RPS6KC1: variants seen among roughly 807,000 people sequenced by gnomAD.
The protein encoded by RPS6KC1 is inactive ribosomal protein S6 kinase delta-1.
In RPS6KC1, 54 loss-of-function variants were observed where a neutral mutation model predicts 103.8. The observed-to-expected ratio is 0.52, with a 90% CI of 0.42 to 0.65. RPS6KC1 has a LOEUF of 0.65. Among genes scored for constraint, RPS6KC1 ranks in the 30% least tolerant of loss-of-function variants. The pLI, the probability that RPS6KC1 is intolerant of heterozygous loss-of-function variation, is 0.00. For missense variants in RPS6KC1, 1,151 were observed against 1,253.8 expected (o/e 0.92, Z 1.24); for synonymous variants, 439 against 438.7 (o/e 1.00, Z -0.01).
At chr1:213,233,316 C>A (rs913324304) in intron 10 of RPS6KC1, among the ~76,000 whole-genome samples, 1 of 152,068 alleles carries the variant, frequency 6.6e-6, no homozygotes, top group Non-Finnish European at 1.5e-5. Flanking sequence ...AACTAATTCA[C>A]CTTTGTTCAG....
chr1:213,385,321 T>C, the RPS6KC1 span, among the ~76,000 whole-genome samples: 8 of 152,100 alleles, frequency 5.3e-5, no homozygotes, highest in Admixed American at 6.5e-5. Context: ...GTGCTATTAT[T>C]ATTCCCATTC....
chr1:213,530,173 A>G, the RPS6KC1 span, among the ~76,000 whole-genome samples: 1 of 151,856 alleles, frequency 6.6e-6, no homozygotes, highest in Admixed American at 6.6e-5. Flanking sequence ...TTTATCCTCC[A>G]CTTCTAAGAC....
At chr1:213,311,170 G>A in the RPS6KC1 span, among the ~76,000 whole-genome samples, 9 of 148,174 alleles carry the variant, frequency 6.1e-5, no homozygotes, top group East Asian at 2.0e-4. Context: ...ACGGAGTCTC[G>A]CTCTGTTGCC....
rs79795539 is a variant in RPS6KC1 at position 213,105,216 on chromosome 1, G to GTT, written c.378+663_378+664dup. 8.2e-3 allele frequency among the ~76,000 whole-genome samples: 1,073 copies of GTT among 131,140 alleles called. 17 individuals carry two copies. Among genetic ancestry groups the GTT allele is most frequent in the African/African-American group, 0.023 (860 of 36,916 alleles). 86.0% of individuals were successfully genotyped at this position (131,140 alleles called of 152,430 possible). A position where few individuals can be genotyped will look rare whatever the true frequency, so the allele number is the denominator to read the frequency against. ...TAGATATGTAATGCTTTCATTTTAA[G>GTT]TTTTTTTTTTTTTTTTTACCATTTT... On this transcript the variant is annotated intron_variant, in intron 4 of 14. Coordinates refer to ENST00000366960, the MANE Select transcript of RPS6KC1 (RefSeq NM_012424.6).
the RPS6KC1 span, among the ~76,000 whole-genome samples, chr1:213,647,476 A>G: frequency 3.8e-4 from 58 of 152,322 alleles, 1 homozygote; most frequent in African/African-American, 1.3e-3. Context: ...AGGGACCCTT[A>G]GACAGAAAGT....
intron 7 of RPS6KC1, among the ~76,000 whole-genome samples, chr1:213,168,286 G>T (rs1385092934): frequency 6.6e-6 from 1 of 152,136 alleles, no homozygotes; most frequent in African/African-American, 2.4e-5. Flanking sequence ...GTTAGATTGT[G>T]ATTCTTGTAT....
intron 8 of RPS6KC1, among the ~76,000 whole-genome samples, chr1:213,190,008 G>A (rs1414857133): frequency 6.6e-6 from 1 of 152,146 alleles, no homozygotes; most frequent in Non-Finnish European, 1.5e-5. Flanking sequence ...TGCCTGAATA[G>A]TACTTCATTT....
intron 2 of RPS6KC1, among the ~76,000 whole-genome samples, chr1:213,075,243 C>T (rs4951479): frequency 0.75 from 113,545 of 152,084 alleles, 43,628 homozygotes; most frequent in African/African-American, 0.93. Flanking sequence ...CTTAACCTTA[C>T]GTAATGTCCA....
At chr1:213,673,655 C>G in the RPS6KC1 span, among the ~76,000 whole-genome samples, 1,043 of 132,328 alleles carry the variant, frequency 7.9e-3, 18 homozygotes, top group African/African-American at 0.04. Context: ...CTTTTTAGTA[C>G]TAAGGGAAAT....
chr1:213,122,366 T>C (rs1182168948), intron 5 of RPS6KC1, among the ~76,000 whole-genome samples: 4 of 152,140 alleles, frequency 2.6e-5, no homozygotes, highest in African/African-American at 9.7e-5. Flanking sequence ...GTTATTTAAG[T>C]TTGAAAAAAA....
the RPS6KC1 span, among the ~76,000 whole-genome samples, chr1:213,733,750 A>G: frequency 6.6e-6 from 1 of 152,230 alleles, no homozygotes; most frequent in Non-Finnish European, 1.5e-5. Flanking sequence ...GCCATTCTGC[A>G]TAACTCAAGG....
At chr1:213,499,480 ATAGT>A in the RPS6KC1 span, among the ~76,000 whole-genome samples, 6 of 152,200 alleles carry the variant, frequency 3.9e-5, no homozygotes, top group African/African-American at 1.4e-4. Context: ...ATCATCAGGC[ATAGT>A]TAGAGTCTCA....
chr1:213,649,258 TA>T, the RPS6KC1 span, among the ~76,000 whole-genome samples: 952 of 138,378 alleles, frequency 6.9e-3, 3 homozygotes, highest in African/African-American at 0.018. Context: ...AGTCTCCACT[TA>T]AAAAAAAAAA....
At chr1:213,598,656 A>G in the RPS6KC1 span, among the ~76,000 whole-genome samples, 1 of 152,124 alleles carries the variant, frequency 6.6e-6, no homozygotes, top group Non-Finnish European at 1.5e-5. Flanking sequence ...GGTGGCTCAC[A>G]CCTGTAATCT....
intron 8 of RPS6KC1, among the ~76,000 whole-genome samples, chr1:213,180,931 G>A (rs963021433): frequency 3.3e-5 from 5 of 152,154 alleles, no homozygotes; most frequent in African/African-American, 9.7e-5. Flanking sequence ...TCTATAAAAA[G>A]TATAAAGGAG....
At chr1:213,383,445 C>T in the RPS6KC1 span, among the ~76,000 whole-genome samples, 1 of 152,170 alleles carries the variant, frequency 6.6e-6, no homozygotes, top group Non-Finnish European at 1.5e-5. Context: ...TGAAAGTAGA[C>T]CTTTGGGATG....
chr1:213,284,244 C>CCTATTCA, the RPS6KC1 span, among the ~76,000 whole-genome samples: 1 of 152,222 alleles, frequency 6.6e-6, no homozygotes, highest in Admixed American at 6.5e-5. Flanking sequence ...AGGCTGGACA[C>CCTATTCA]ACTGGCCCAT....
chr1:213,358,002 T>C, the RPS6KC1 span, among the ~76,000 whole-genome samples: 2 of 152,204 alleles, frequency 1.3e-5, no homozygotes, highest in East Asian at 1.9e-4. Context: ...TCATGGTGGA[T>C]AAGCTTTTTG....
chr1:213,473,839 G>A, the RPS6KC1 span, among the ~76,000 whole-genome samples: 1 of 152,188 alleles, frequency 6.6e-6, no homozygotes. Flanking sequence ...CATAGACAAG[G>A]TAGCAGAGGT....
Sources: gnomAD v4.1 joint callset for allele counts (sites outside exome capture counted in the v4.1 genomes callset) on GRCh38, gnomAD v4.1.1 for gene constraint, MANE v1.5 for transcripts, NCBI Gene and HGNC (gene_info 2026-07-23, HGNC 2026-07-21) for gene names.